Variants in FMN1 observed in about 807,000 individuals in gnomAD.
The protein encoded by FMN1 is formin-1.
A neutral mutation model predicts 132.4 loss-of-function variants in FMN1; 110 were observed. The observed-to-expected ratio is 0.83, with a 90% confidence interval of 0.71 to 0.97. The LOEUF is 0.97. Among genes scored for constraint, FMN1 ranks in the 50% least tolerant of loss-of-function variants. FMN1 has a pLI of 0.00. For synonymous variants in FMN1, 722 were observed against 651.7 expected (o/e 1.11, Z -1.64); for missense variants, 1,792 against 1,705.3 (o/e 1.05, Z -0.90).
At chr15:33,103,918 C>A (rs901692403) in intron 4 of FMN1, among the ~76,000 whole-genome samples, 1 of 151,972 alleles carries the variant, frequency 6.6e-6, no homozygotes, top group African/African-American at 2.4e-5. Context: ...TTTACCATGC[C>A]TTGGGGGCAT....
At chr15:32,961,493 A>T (rs2030546518) in intron 9 of FMN1, among the ~76,000 whole-genome samples, 1 of 152,162 alleles carries the variant, frequency 6.6e-6, no homozygotes, top group South Asian at 2.1e-4. Flanking sequence ...GCCCAAGCTC[A>T]CATAGCAAGT....
chr15:32,851,720 A>G (rs1435852396), intron 17 of FMN1, among the ~76,000 whole-genome samples: 7 of 152,242 alleles, frequency 4.6e-5, no homozygotes, highest in Admixed American at 4.6e-4. Context: ...CATTCTGAGA[A>G]GGGAAGAATG....
intron 7 of FMN1, among the ~76,000 whole-genome samples, chr15:32,975,013 G>A (rs1162851355): frequency 1.3e-5 from 2 of 152,082 alleles, no homozygotes; most frequent in Admixed American, 6.5e-5. Context: ...CTTTTCCTAT[G>A]CTATACCACT....
chr15:32,956,370 T>A (rs1381330832), intron 9 of FMN1, among the ~76,000 whole-genome samples: 47 of 145,574 alleles, frequency 3.2e-4, no homozygotes, highest in African/African-American at 1.2e-3. Flanking sequence ...CTTTTTTTTT[T>A]TTAAAAAAAT....
chr15:32,846,691 C>A (rs973529974), intron 17 of FMN1, among the ~76,000 whole-genome samples: 1 of 152,092 alleles, frequency 6.6e-6, no homozygotes, highest in African/African-American at 2.4e-5. Flanking sequence ...GCCATTTGAC[C>A]CAGCAATCCC....
chr15:33,109,722 C>T (rs894419045), intron 4 of FMN1, among the ~76,000 whole-genome samples: 2 of 151,708 alleles, frequency 1.3e-5, no homozygotes, highest in African/African-American at 4.8e-5. Flanking sequence ...GAAACAGAAA[C>T]AATATTCGAT....
chr15:32,974,382 CTCT>C (rs1393085942), intron 7 of FMN1, among the ~76,000 whole-genome samples: 1 of 152,188 alleles, frequency 6.6e-6, no homozygotes, highest in African/African-American at 2.4e-5. Flanking sequence ...TAATCACATC[CTCT>C]TCTCACCTGC....
chr15:32,868,243 C>T (rs1243847175), intron 16 of FMN1, among the ~76,000 whole-genome samples: 1 of 152,192 alleles, frequency 6.6e-6, no homozygotes, highest in Non-Finnish European at 1.5e-5. Context: ...TGTTTAGATA[C>T]ACAAATGCTT....
chr15:32,892,371 G>A (rs925875525), intron 15 of FMN1, among the ~76,000 whole-genome samples: 11 of 152,104 alleles, frequency 7.2e-5, no homozygotes, highest in South Asian at 2.1e-4. Flanking sequence ...ATTAACTTGC[G>A]TATGTTAAAA....
intron 9 of FMN1, among the ~76,000 whole-genome samples, chr15:32,958,136 CAA>C (rs1308699978): frequency 6.6e-6 from 1 of 152,072 alleles, no homozygotes; most frequent in Non-Finnish European, 1.5e-5. Context: ...TCTTTTTACT[CAA>C]AGATTTGGCT....
At position 32,888,303 on chromosome 15, in the gene FMN1, T is replaced by C. The variant is rs1489857990; in HGVS notation, c.3715-11A>G. ...TTCTGTTCCAGCTTCCTAAGAGATA[T>C]GGTAAACAAAAGTACATTATACTTC... On this transcript the variant is annotated splice_polypyrimidine_tract_variant and intron_variant, in intron 15 of 20. Transcript: ENST00000616417. 17 of 1,601,234 alleles carry C rather than the reference T, an allele frequency of 1.1e-5. No homozygotes were observed. The highest frequency in any genetic ancestry group is 5.7e-5 in the South Asian group (5 of 88,346).
intron 9 of FMN1, among the ~76,000 whole-genome samples, chr15:32,954,544 G>A (rs746174254): frequency 1.3e-5 from 2 of 152,296 alleles, no homozygotes; most frequent in South Asian, 4.2e-4. Flanking sequence ...TTCGGGATTC[G>A]ATATTTGGTT....
At chr15:32,883,564 A>C (rs2059823828) in intron 16 of FMN1, among the ~76,000 whole-genome samples, 1 of 148,058 alleles carries the variant, frequency 6.8e-6, no homozygotes, top group South Asian at 2.2e-4. Flanking sequence ...AGCGGTAAGT[A>C]ATGACATGTG....
chr15:33,082,036 T>G (rs189382), intron 5 of FMN1, among the ~76,000 whole-genome samples: 1 of 142,140 alleles, frequency 7.0e-6, no homozygotes, highest in African/African-American at 2.8e-5. Flanking sequence ...TGTGTGTGTG[T>G]GTGTGTGTGT....
chr15:33,047,728 C>A (rs2036754451), intron 6 of FMN1, among the ~76,000 whole-genome samples: 1 of 152,076 alleles, frequency 6.6e-6, no homozygotes. Context: ...TTTTGAAATG[C>A]AGGTTCTGGT....
At chr15:32,807,652 C>T (rs1173282077) in intron 17 of FMN1, among the ~76,000 whole-genome samples, 2 of 152,102 alleles carry the variant, frequency 1.3e-5, no homozygotes, top group South Asian at 2.1e-4. Flanking sequence ...ACAAGAAATA[C>T]CCTATTCAAA....
chr15:33,025,247 A>C (rs1314600768), intron 6 of FMN1, among the ~76,000 whole-genome samples: 1 of 152,220 alleles, frequency 6.6e-6, no homozygotes, highest in Non-Finnish European at 1.5e-5. Flanking sequence ...CAATAACAAA[A>C]TTAATCAAAA....
Position 33,088,989 on chromosome 15 carries a change from A to G in FMN1, c.1868-15T>C. The G allele has an allele frequency of 6.6e-7, 1 of 1,525,340 alleles. No individual in the cohort carries two copies. Among genetic ancestry groups the G allele is most frequent in the Non-Finnish European group, 8.7e-7 (1 of 1,143,176 alleles). The allele number at this position is 1,525,340 out of a possible 1,614,324, so 94.5% of individuals were successfully genotyped here. On this transcript the variant is annotated splice_polypyrimidine_tract_variant and intron_variant, in intron 4 of 20. Coordinates refer to ENST00000616417, the MANE Select transcript of FMN1 (RefSeq NM_001277313.2). Reference sequence around the variant, plus strand: ...AGAGGAGATACCTAAACAAACACAGAGAAGGCCATCAGTGACATGGCAGCC... The same window carrying G: ...AGAGGAGATACCTAAACAAACACAGGGAAGGCCATCAGTGACATGGCAGCC...
intron 2 of FMN1, among the ~76,000 whole-genome samples, chr15:33,193,367 G>C (rs1055819346): frequency 6.6e-6 from 1 of 152,182 alleles, no homozygotes; most frequent in Admixed American, 6.5e-5. Context: ...GTGCCTATAA[G>C]ATGCTACCTG....
Sources: allele counts gnomAD v4.1 joint callset (sites outside exome capture counted in the v4.1 genomes callset), GRCh38; gene constraint gnomAD v4.1.1; transcripts MANE v1.5; gene names NCBI Gene and HGNC (gene_info 2026-07-23, HGNC 2026-07-21).